The following TACR1 variants were observed in gnomAD, a reference collection of about 807,000 sequenced individuals.
TACR1 encodes substance-P receptor.
Under a neutral mutation model 35.8 loss-of-function variants are expected in TACR1, and 25 were observed. The observed-to-expected ratio is 0.70, with a 90% confidence interval of 0.51 to 0.98. The LOEUF (loss-of-function observed/expected upper bound fraction) is 0.98, where lower values mean the gene tolerates loss of function less well. TACR1 is among the 50% of genes least tolerant of loss of function. The probability of loss-of-function intolerance (pLI) is 0.00; values close to 1 mark genes in which losing one functional copy is unlikely to be tolerated. For synonymous variants in TACR1, 195 were observed against 206.7 expected (o/e 0.94, Z 0.48); for missense variants, 478 against 522.9 (o/e 0.91, Z 0.84).
chr2:75,192,993 C>T (rs939756451), intron 1 of TACR1, among the ~76,000 whole-genome samples: 1 of 152,030 alleles, frequency 6.6e-6, no homozygotes, highest in Non-Finnish European at 1.5e-5. Context: ...TGCCTTGCTG[C>T]CTCTCTTCCT....
At chr2:75,159,231 G>A (rs913267848) in intron 1 of TACR1, among the ~76,000 whole-genome samples, 7 of 152,054 alleles carry the variant, frequency 4.6e-5, no homozygotes, top group Non-Finnish European at 8.8e-5. Context: ...GTTATTTAAA[G>A]TGTTAAATAC....
intron 2 of TACR1, among the ~76,000 whole-genome samples, chr2:75,099,390 C>G (rs58428954): frequency 0.025 from 3,839 of 152,314 alleles, 169 homozygotes; most frequent in African/African-American, 0.089. Flanking sequence ...TCTGCTGTTA[C>G]AATTCTCTCT....
chr2:75,168,107 A>G (rs1263146368), intron 1 of TACR1, among the ~76,000 whole-genome samples: 2 of 152,200 alleles, frequency 1.3e-5, no homozygotes, highest in African/African-American at 4.8e-5. Context: ...CTGTGGAAAT[A>G]CTCAGTTTTC....
chr2:75,071,664 T>C (rs986845562), intron 2 of TACR1, among the ~76,000 whole-genome samples: 22 of 152,224 alleles, frequency 1.4e-4, no homozygotes, highest in Non-Finnish European at 8.8e-5. Flanking sequence ...ACAAATGACC[T>C]TCCTGTCCAG....
chr2:75,080,209 G>A (rs895242003), intron 2 of TACR1, among the ~76,000 whole-genome samples: 11 of 152,164 alleles, frequency 7.2e-5, no homozygotes, highest in African/African-American at 2.7e-4. Flanking sequence ...TCAAAGGGGT[G>A]AATGCTAAAC....
chr2:75,124,248 A>G (rs768141432), intron 1 of TACR1, among the ~76,000 whole-genome samples: 1 of 152,178 alleles, frequency 6.6e-6, no homozygotes, highest in Non-Finnish European at 1.5e-5. Context: ...TCTGCTGCAC[A>G]TTTGTTTTTT....
At chr2:75,100,416 T>C (rs1673515246) in intron 2 of TACR1, among the ~76,000 whole-genome samples, 1 of 152,190 alleles carries the variant, frequency 6.6e-6, no homozygotes, top group African/African-American at 2.4e-5. Context: ...TTGTCTCGAT[T>C]TGGAATTCTT....
At chr2:75,179,126 T>C (rs1171463729) in intron 1 of TACR1, among the ~76,000 whole-genome samples, 1 of 152,212 alleles carries the variant, frequency 6.6e-6, no homozygotes, top group Non-Finnish European at 1.5e-5. Context: ...TCATTTCTGT[T>C]CTTGAACCTA....
At chr2:75,091,335 T>C (rs752873097) in intron 2 of TACR1, among the ~76,000 whole-genome samples, 6 of 151,944 alleles carry the variant, frequency 3.9e-5, no homozygotes, top group African/African-American at 9.7e-5. Context: ...AGGAGTTGAA[T>C]TGGGTGATGT....
rs761653215 is a variant in TACR1 at position 75,053,593 on chromosome 2, TC to T, written c.735+11del. On this transcript the variant is annotated intron_variant, in intron 3 of 4. Coordinates refer to ENST00000305249, the MANE Select transcript of TACR1 (RefSeq NM_001058.4). The stretch of plus-strand genomic sequence containing the variant: ...TGCCAGGGTGGGTTAGTTCTGCCTG[TC>T]CCCTGCTCACCTTGCGCTTGGCAGA... The T allele has an allele frequency of 7.1e-7, 1 of 1,399,260 alleles. No individual in the cohort carries two copies. Among genetic ancestry groups the T allele is most frequent in the South Asian group, 1.5e-5 (1 of 67,240 alleles). The allele number at this position is 1,399,260 out of a possible 1,614,324, so 86.7% of individuals were successfully genotyped here. A position where few individuals can be genotyped will look rare whatever the true frequency, so the allele number is the denominator to read the frequency against.
At chr2:75,111,717 A>G (rs10210154) in intron 2 of TACR1, among the ~76,000 whole-genome samples, 2 of 151,880 alleles carry the variant, frequency 1.3e-5, no homozygotes, top group African/African-American at 4.8e-5. Context: ...GGTATACTGT[A>G]TATTGTATTG....
At position 75,199,069 on chromosome 2, in the gene TACR1, C is replaced by T. The variant is rs1676068775; in HGVS notation, c.-135G>A. ...TGGAAGGCTTTTTCTGGGCAGCACT[C>T]TTTTTGAAAGCTGAACTGGCGCTCA... On this transcript the variant is annotated 5_prime_UTR_variant, in exon 1 of 5. Transcript: ENST00000305249. 12 of 1,131,148 alleles carry T rather than the reference C, an allele frequency of 1.1e-5. No homozygotes were observed. Among genetic ancestry groups the T allele is most frequent in the Non-Finnish European group, 1.5e-5 (12 of 810,094 alleles). 70.1% of individuals were successfully genotyped at this position (1,131,148 alleles called of 1,614,324 possible).
chr2:75,125,264 G>C (rs1674050604), intron 1 of TACR1, among the ~76,000 whole-genome samples: 1 of 151,364 alleles, frequency 6.6e-6, no homozygotes, highest in South Asian at 2.1e-4. Flanking sequence ...GCTCACTGCA[G>C]CCTCTGCCTC....
chr2:75,166,532 A>G (rs1267545180), intron 1 of TACR1, among the ~76,000 whole-genome samples: 1 of 151,920 alleles, frequency 6.6e-6, no homozygotes, highest in Non-Finnish European at 1.5e-5. Flanking sequence ...CTGTCTTACC[A>G]CTCCTCAAAC....
chr2:75,107,294 C>T (rs933076437), intron 2 of TACR1, among the ~76,000 whole-genome samples: 6 of 152,000 alleles, frequency 3.9e-5, no homozygotes, highest in African/African-American at 1.4e-4. Context: ...TTTAAGGTAT[C>T]ACTCTCACTC....
Position 75,165,114 on chromosome 2 carries a change from C to T in TACR1, c.389+33432G>A, listed in dbSNP as rs180921883. ...CCCAAAGGGCTTATCAGAAGCTAGA[C>T]GAGGGTTTGGATTAGATTCCTATAA... On this transcript the variant is annotated intron_variant, in intron 1 of 4. Coordinates refer to ENST00000305249, the MANE Select transcript of TACR1 (RefSeq NM_001058.4). 3.0e-4 allele frequency among the ~76,000 whole-genome samples: 45 copies of T among 152,208 alleles called. No homozygotes were observed. In the East Asian group the frequency reaches 5.8e-3, roughly 20 times the overall value.
intron 1 of TACR1, among the ~76,000 whole-genome samples, chr2:75,155,833 G>C (rs956653674): frequency 6.6e-6 from 1 of 152,232 alleles, no homozygotes; most frequent in African/African-American, 2.4e-5. Flanking sequence ...CCATCAAAAA[G>C]GAATCAAGAT....
At chr2:75,101,529 A>G (rs1180872085) in intron 2 of TACR1, among the ~76,000 whole-genome samples, 2 of 152,202 alleles carry the variant, frequency 1.3e-5, no homozygotes, top group Admixed American at 6.5e-5. Context: ...CCAAAGTCAC[A>G]TAGCTCATGA....
intron 1 of TACR1, among the ~76,000 whole-genome samples, chr2:75,147,370 A>T (rs1406095360): frequency 6.6e-6 from 1 of 152,190 alleles, no homozygotes; most frequent in African/African-American, 2.4e-5. Flanking sequence ...GTTTATCCCC[A>T]CATTCCTTTC....
Sources: gnomAD v4.1 joint callset for allele counts (sites outside exome capture counted in the v4.1 genomes callset) on GRCh38, gnomAD v4.1.1 for gene constraint, MANE v1.5 for transcripts, NCBI Gene and HGNC (gene_info 2026-07-23, HGNC 2026-07-21) for gene names.